Variants in EEFSEC observed in about 807,000 individuals in gnomAD.
EEFSEC encodes selenocysteine-specific elongation factor.
EEFSEC carries 43 observed loss-of-function variants against 42.1 expected under a neutral mutation model. The observed-to-expected ratio is 1.02, with a 90% CI of 0.80 to 1.32. The LOEUF is 1.32. Among genes scored for constraint, EEFSEC ranks in the 40% most tolerant of loss-of-function variants. The pLI, the probability that EEFSEC is intolerant of heterozygous loss-of-function variation, is 0.00. For missense variants in EEFSEC, 745 were observed against 803.6 expected (o/e 0.93, Z 0.88); for synonymous variants, 354 against 339.1 (o/e 1.04, Z -0.48).
intron 6 of EEFSEC, among the ~76,000 whole-genome samples, chr3:128,399,389 C>T (rs936686173): frequency 1.2e-4 from 19 of 152,340 alleles, no homozygotes; most frequent in Admixed American, 1.0e-3. Flanking sequence ...GTCGAGTGCG[C>T]GCTTGAGAGC....
chr3:128,263,923 C>T (rs1274314105), intron 3 of EEFSEC, among the ~76,000 whole-genome samples: 1 of 152,184 alleles, frequency 6.6e-6, no homozygotes, highest in Non-Finnish European at 1.5e-5. Flanking sequence ...CTTGTTTCTT[C>T]TTCTTTCACT....
intron 1 of EEFSEC, among the ~76,000 whole-genome samples, chr3:128,190,068 C>T (rs2065507138): frequency 6.6e-6 from 1 of 152,046 alleles, no homozygotes; most frequent in Non-Finnish European, 1.5e-5. Context: ...TCACCATGTC[C>T]CCCAGGCTGG....
chr3:128,224,856 C>T (rs1290276420), intron 1 of EEFSEC, among the ~76,000 whole-genome samples: 1 of 152,190 alleles, frequency 6.6e-6, no homozygotes, highest in Admixed American at 6.5e-5. Context: ...GATATAAGAA[C>T]ATATACATCC....
chr3:128,283,717 A>C (rs1274902206), intron 4 of EEFSEC, among the ~76,000 whole-genome samples: 2 of 152,118 alleles, frequency 1.3e-5, no homozygotes, highest in Non-Finnish European at 2.9e-5. Context: ...AGAGCAGTCC[A>C]CACCTTGGCA....
chr3:128,381,321 T>G (rs2067773753), intron 6 of EEFSEC, among the ~76,000 whole-genome samples: 1 of 152,088 alleles, frequency 6.6e-6, no homozygotes, highest in Non-Finnish European at 1.5e-5. Flanking sequence ...GGGCGGCTGG[T>G]GTATATTTGG....
intron 4 of EEFSEC, among the ~76,000 whole-genome samples, chr3:128,302,147 A>G (rs1341531757): frequency 6.6e-6 from 1 of 152,146 alleles, no homozygotes; most frequent in African/African-American, 2.4e-5. Flanking sequence ...GACATTTATC[A>G]TCTTGGTCCA....
At chr3:128,281,115 G>A (rs2066521546) in intron 4 of EEFSEC, among the ~76,000 whole-genome samples, 1 of 152,226 alleles carries the variant, frequency 6.6e-6, no homozygotes, top group African/African-American at 2.4e-5. Context: ...TCTCCCCGCA[G>A]CACCATAGCA....
intron 6 of EEFSEC, among the ~76,000 whole-genome samples, chr3:128,370,783 A>G (rs890274427): frequency 3.9e-5 from 6 of 152,230 alleles, no homozygotes; most frequent in African/African-American, 1.4e-4. Flanking sequence ...AGGAGCAAGC[A>G]CTATAGTAGG....
At chr3:128,314,220 T>C (rs1267225070) in intron 4 of EEFSEC, among the ~76,000 whole-genome samples, 2 of 152,260 alleles carry the variant, frequency 1.3e-5, no homozygotes, top group African/African-American at 4.8e-5. Flanking sequence ...TCAATGTCCT[T>C]GAGAGCAGTT....
At chr3:128,212,769 TC>T (rs1482843305) in intron 1 of EEFSEC, among the ~76,000 whole-genome samples, 2 of 152,224 alleles carry the variant, frequency 1.3e-5, no homozygotes, top group Non-Finnish European at 2.9e-5. Flanking sequence ...TCAGATAGTC[TC>T]TGTGGGCTTG....
intron 4 of EEFSEC, among the ~76,000 whole-genome samples, chr3:128,284,492 C>T (rs2066562837): frequency 6.6e-6 from 1 of 152,018 alleles, no homozygotes; most frequent in South Asian, 2.1e-4. Context: ...GTGCAGGCCA[C>T]CAAGGCTCCT....
At chr3:128,164,556 G>A (rs190561221) in intron 1 of EEFSEC, among the ~76,000 whole-genome samples, 8 of 152,150 alleles carry the variant, frequency 5.3e-5, no homozygotes, top group Non-Finnish European at 7.3e-5. Context: ...TTGCACACAG[G>A]GGGGTGTGAA....
At chr3:128,375,916 C>T (rs1472910281) in intron 6 of EEFSEC, among the ~76,000 whole-genome samples, 2 of 152,194 alleles carry the variant, frequency 1.3e-5, no homozygotes, top group Non-Finnish European at 2.9e-5. Flanking sequence ...ATATGAACAC[C>T]ACCCTTTATT....
At chr3:128,378,922 C>G (rs1014284363) in intron 6 of EEFSEC, among the ~76,000 whole-genome samples, 1 of 152,252 alleles carries the variant, frequency 6.6e-6, no homozygotes, top group African/African-American at 2.4e-5. Context: ...GGTTCTGTCC[C>G]ACACAGCTGA....
chr3:128,343,393 G>C (rs1002609007), intron 5 of EEFSEC, among the ~76,000 whole-genome samples: 1 of 152,056 alleles, frequency 6.6e-6, no homozygotes, highest in Non-Finnish European at 1.5e-5. Flanking sequence ...GCCCTCAAGT[G>C]GGGGACTGAG....
chr3:128,305,959 C>T (rs373424020), intron 4 of EEFSEC, among the ~76,000 whole-genome samples: 2 of 152,144 alleles, frequency 1.3e-5, no homozygotes, highest in African/African-American at 4.8e-5. Context: ...AGTTGCATTC[C>T]ACTGTATGTT....
At chr3:128,209,085 CATACTTTGT>C (rs1278181979) in intron 1 of EEFSEC, among the ~76,000 whole-genome samples, 1 of 152,206 alleles carries the variant, frequency 6.6e-6, no homozygotes, top group Non-Finnish European at 1.5e-5. Flanking sequence ...TTTCCCAAAG[CATACTTTGT>C]AGAACATGTG....
At position 128,226,290 on chromosome 3, in the gene EEFSEC, C is replaced by A. The variant is rs1051729459; in HGVS notation, c.317-20546C>A. Among the ~76,000 whole-genome samples, 3 of 152,312 alleles carry A rather than the reference C, an allele frequency of 2.0e-5. No homozygotes were observed. In the South Asian group the frequency reaches 6.2e-4, roughly 32 times the overall value. ...TTAGAGAGGGCCTAATAAATTGTGT[C>A]CCTCACAAGGACCCAGCATTTTCTG... is the stretch of plus-strand genomic sequence containing the variant. On this transcript the variant is annotated intron_variant, in intron 1 of 6. Coordinates refer to ENST00000254730, the MANE Select transcript of EEFSEC (RefSeq NM_021937.5).
At chr3:128,229,076 T>C (rs999939886) in intron 1 of EEFSEC, among the ~76,000 whole-genome samples, 7 of 152,224 alleles carry the variant, frequency 4.6e-5, no homozygotes, top group African/African-American at 1.7e-4. Context: ...TTTGAAATTC[T>C]AGGGAAAATC....
Sources: gnomAD v4.1 joint callset for allele counts (sites outside exome capture counted in the v4.1 genomes callset) on GRCh38, gnomAD v4.1.1 for gene constraint, MANE v1.5 for transcripts, NCBI Gene and HGNC (gene_info 2026-07-23, HGNC 2026-07-21) for gene names.